Variants in CFTR observed in about 807,000 individuals in gnomAD.
CFTR encodes cystic fibrosis transmembrane conductance regulator.
A neutral mutation model predicts 171.6 loss-of-function variants in CFTR; 181 were observed. The ratio of observed to expected loss-of-function variants is 1.05; its 90% confidence interval spans 0.93 to 1.19. CFTR has a LOEUF of 1.19. Ranked by LOEUF, CFTR falls within the 50% of genes most tolerant of loss-of-function variation. The pLI is 0.00. For missense variants in CFTR, 1,968 were observed against 1,734.7 expected (o/e 1.13, Z -2.39); for synonymous variants, 583 against 608.0 (o/e 0.96, Z 0.60).
In CFTR at chr7:117,562,362, G is replaced by T. The variant is rs190607255; in HGVS notation, c.1584+2707G>T. 3.3e-5 allele frequency among the ~76,000 whole-genome samples: 5 copies of T among 152,220 alleles called. No homozygotes were observed. The East Asian group carries it at 9.7e-4, about 29-fold the overall frequency. ...AAGTATTATGAAAAAGCATCAATAT[G>T]AATTTTCATGTTGACAAAGTGGTAT... On this transcript the variant is annotated intron_variant, in intron 11 of 26. Transcript: ENST00000003084.
At chr7:117,621,277 G>A (rs969994212) in intron 21 of CFTR, among the ~76,000 whole-genome samples, 2 of 152,190 alleles carry the variant, frequency 1.3e-5, no homozygotes, top group Non-Finnish European at 2.9e-5. Flanking sequence ...TGAACTACAT[G>A]CTAAGACTCA....
intron 1 of CFTR, among the ~76,000 whole-genome samples, chr7:117,499,170 G>T (rs1798282254): frequency 6.6e-6 from 1 of 152,014 alleles, no homozygotes; most frequent in East Asian, 1.9e-4. Context: ...GACTTGAAAA[G>T]ATCTGATATC....
At chr7:117,641,835 G>A (rs1306189187) in intron 22 of CFTR, among the ~76,000 whole-genome samples, 2 of 152,180 alleles carry the variant, frequency 1.3e-5, no homozygotes, top group African/African-American at 4.8e-5. Flanking sequence ...CAATCCAGGT[G>A]AATGTCAGAA....
chr7:117,488,694 C>T (rs889431567), intron 1 of CFTR, among the ~76,000 whole-genome samples: 4 of 151,926 alleles, frequency 2.6e-5, no homozygotes, highest in Non-Finnish European at 5.9e-5. Context: ...ATAGCAGTGA[C>T]AATAAAAGAT....
intron 12 of CFTR, 65 bp from the exon 13 acceptor site, chr7:117,590,288 A>C: frequency 6.4e-7 from 1 of 1,567,282 alleles, no homozygotes; most frequent in Non-Finnish European, 8.7e-7. Context: ...TTTAAGGCAA[A>C]TCATCTACAC....
chr7:117,644,998 G>A (rs891458788), intron 23 of CFTR, among the ~76,000 whole-genome samples: 8 of 152,170 alleles, frequency 5.3e-5, no homozygotes, highest in Non-Finnish European at 1.0e-4. Context: ...TAAATCTTCA[G>A]TTACAAGTTT....
At chr7:117,587,909 T>C in intron 12 of CFTR, 76 bp downstream of exon 12, 2 of 871,488 alleles carry the variant, frequency 2.3e-6, no homozygotes, top group South Asian at 2.8e-5. Flanking sequence ...GACATTTCTC[T>C]ATTGCTTTAT....
At chr7:117,606,869 G>A in intron 18 of CFTR, 116 bp downstream of exon 18, 1 of 742,138 alleles carries the variant, frequency 1.3e-6, no homozygotes, top group South Asian at 1.5e-5. Context: ...CCTGTCTATT[G>A]CATTAATTTT....
At position 117,627,680 on chromosome 7, in the gene CFTR, A is replaced by G. The variant is rs770069168; in HGVS notation, c.3627A>G (p.Gln1209=). Residue 1209 remains glutamine, a synonymous_variant, in exon 22 of 27, where the codon CAA becomes CAG. Transcript: ENST00000003084. The part of the protein sequence containing the change: ...KKDDIWPSGG[Q]MTVKDLTAKY... ...ATGACATCTGGCCCTCAGGGGGCCA[A>G]ATGACTGTCAAAGATCTCACAGCAA... The G allele has an allele frequency of 8.1e-6, 13 of 1,613,100 alleles. No homozygotes were observed. In the South Asian group the frequency reaches 1.4e-4, roughly 18 times the overall value.
intron 14 of CFTR, among the ~76,000 whole-genome samples, chr7:117,594,659 A>G (rs909013744): frequency 4.6e-5 from 7 of 152,312 alleles, no homozygotes; most frequent in South Asian, 2.1e-4. Context: ...AAATTGTCCA[A>G]TAATAATACA....
At chr7:117,510,021 C>A (rs4148690) in intron 3 of CFTR, among the ~76,000 whole-genome samples, 35,819 of 151,900 alleles carry the variant, frequency 0.24, 4,501 homozygotes, top group East Asian at 0.42. Flanking sequence ...AGTTCATACA[C>A]CCCCATGAAA....
rs187318937 is a variant in CFTR, at chr7:117,587,772, G to A, written c.1618G>A (p.Val540Ile). 2.5e-6 allele frequency: 4 copies of A among 1,611,884 alleles called. No individual in the cohort carries two copies. In the East Asian group the frequency reaches 8.9e-5, roughly 36 times the overall value. ...ISKFAEKDNI[V>I]LGEGGITLSG... ...CAAGTTTGCAGAGAAAGACAATATA[G>A]TTCTTGGAGAAGGTGGAATCACACT... The change falls in exon 12 of 27, where the codon GTT (valine) becomes ATT (isoleucine). Residue 540 changes from valine to isoleucine, a missense_variant. Val to Ile is a conservative substitution (Grantham distance 29). Coordinates refer to ENST00000003084, the MANE Select transcript of CFTR (RefSeq NM_000492.4).
chr7:117,545,231 A>G (rs75607246), intron 9 of CFTR, among the ~76,000 whole-genome samples: 1 of 152,192 alleles, frequency 6.6e-6, no homozygotes, highest in African/African-American at 2.4e-5. Flanking sequence ...TATCACGAGA[A>G]TAGGATGGGC....
rs80254520 is a variant in CFTR at position 117,484,616 on chromosome 7, A to G, written c.53+4469A>G. Among the ~76,000 whole-genome samples the G allele has an allele frequency of 5.9e-3, 901 of 152,200 alleles. 10 individuals carry two copies. The highest frequency in any genetic ancestry group is 0.021 in the African/African-American group (866 of 41,534). ...TGGGAATCTGTGTTAATTTTGTATT[A>G]ATTTTGATTAGCTTAACTCTCAGAG... On this transcript the variant is annotated intron_variant, in intron 1 of 26. Transcript: ENST00000003084.
chr7:117,585,032 A>G (rs542855629), intron 11 of CFTR, among the ~76,000 whole-genome samples: 22 of 151,884 alleles, frequency 1.4e-4, no homozygotes, highest in Admixed American at 1.1e-3. Context: ...GACATTTTCT[A>G]AAGTATAGAC....
intron 1 of CFTR, among the ~76,000 whole-genome samples, chr7:117,502,575 T>C (rs1386798094): frequency 6.6e-6 from 1 of 152,230 alleles, no homozygotes; most frequent in Admixed American, 6.5e-5. Flanking sequence ...TGTTCGACTT[T>C]CCTTCTGTTC....
chr7:117,648,631 C>T (rs1266042304), intron 23 of CFTR, among the ~76,000 whole-genome samples: 2 of 152,066 alleles, frequency 1.3e-5, no homozygotes, highest in African/African-American at 2.4e-5. Flanking sequence ...ACAGTCAGTC[C>T]GAGTGTACCA....
chr7:117,559,767 T>G (rs1489898234), intron 11 of CFTR, 112 bp downstream of exon 11: 3 of 741,362 alleles, frequency 4.0e-6, no homozygotes, highest in Non-Finnish European at 7.0e-6. Context: ...TTATGTTTCC[T>G]CTATGGGTAA....
At chr7:117,641,996 A>T (rs1018439205) in intron 22 of CFTR, among the ~76,000 whole-genome samples, 1 of 152,222 alleles carries the variant, frequency 6.6e-6, no homozygotes, top group Non-Finnish European at 1.5e-5. Context: ...TAGGGTCAAC[A>T]TCTAAATATT....
Sources: allele counts gnomAD v4.1 joint callset (sites outside exome capture counted in the v4.1 genomes callset), GRCh38; gene constraint gnomAD v4.1.1; transcripts MANE v1.5; gene names NCBI Gene and HGNC (gene_info 2026-07-23, HGNC 2026-07-21).